Variants in FZD3 observed in about 807,000 individuals in gnomAD.
FZD3 encodes the protein frizzled class receptor 3, also known as frizzled-3.
Under a neutral mutation model 60.7 loss-of-function variants are expected in FZD3, and 30 were observed. The ratio of observed to expected loss-of-function variants is 0.49; its 90% CI spans 0.37 to 0.67. The LOEUF (loss-of-function observed/expected upper bound fraction) is 0.67. Among genes scored for constraint, FZD3 ranks in the 30% least tolerant of loss-of-function variants. The pLI is 0.00. For synonymous variants in FZD3, 246 were observed against 275.2 expected (o/e 0.89, Z 1.05); for missense variants, 605 against 838.7 (o/e 0.72, Z 3.44).
At chr8:28,545,209 A>T (rs776323065) in intron 5 of FZD3, among the ~76,000 whole-genome samples, 3 of 152,242 alleles carry the variant, frequency 2.0e-5, no homozygotes, top group Non-Finnish European at 4.4e-5. Context: ...CCTGCCTCCA[A>T]CCAGGGAGCC....
intron 6 of FZD3, among the ~76,000 whole-genome samples, chr8:28,555,058 GT>G (rs1444353157): frequency 6.6e-6 from 1 of 152,016 alleles, no homozygotes; most frequent in Non-Finnish European, 1.5e-5. Context: ...AAAATTTTTT[GT>G]TCTTAACCAT....
chr8:28,516,411 A>G (rs1804426653), intron 3 of FZD3, among the ~76,000 whole-genome samples: 1 of 152,218 alleles, frequency 6.6e-6, no homozygotes, highest in Non-Finnish European at 1.5e-5. Context: ...TTTTAGGACC[A>G]GCTTTTCCAT....
At chr8:28,552,524 C>T (rs966304988) in intron 6 of FZD3, among the ~76,000 whole-genome samples, 1 of 152,096 alleles carries the variant, frequency 6.6e-6, no homozygotes. Context: ...GTATCTCTGT[C>T]TGAATTATCA....
intron 6 of FZD3, among the ~76,000 whole-genome samples, chr8:28,555,257 A>G (rs1314595811): frequency 6.6e-6 from 1 of 152,234 alleles, no homozygotes; most frequent in Non-Finnish European, 1.5e-5. Context: ...AAAATATTGT[A>G]TCCATGCTAC....
intron 3 of FZD3, among the ~76,000 whole-genome samples, chr8:28,511,253 C>T (rs941295648): frequency 2.0e-5 from 3 of 151,718 alleles, no homozygotes; most frequent in African/African-American, 7.3e-5. Context: ...TTTGGGAGGC[C>T]GAGGCAGGCG....
At chr8:28,502,386 T>C (rs77062599) in intron 2 of FZD3, among the ~76,000 whole-genome samples, 1,867 of 152,316 alleles carry the variant, frequency 0.012, 78 homozygotes, top group Admixed American at 0.076. Context: ...TTATATATTG[T>C]GACGGATGAA....
chr8:28,527,713 A>T lies in FZD3; in HGVS notation c.953A>T (p.Lys318Met). Residue 318 changes from lysine to methionine, a missense_variant, in exon 5 of 8, where the codon AAG (lysine) becomes ATG (methionine). By Grantham distance (95) the Lys-to-Met change is moderately conservative. Transcript: ENST00000240093. This position sits in a 1 kb window ranked among gnomAD's most constrained non-coding sequence, Gnocchi z 5.0. ...ACATGGTTTTTAGCAGCTGTGCCAAAGTGGGGTAGTGAAGCTATTGAGAAG... is the reference window on the plus strand; with the variant it reads ...ACATGGTTTTTAGCAGCTGTGCCAATGTGGGGTAGTGAAGCTATTGAGAAG... ...TITWFLAAVP[K>M]WGSEAIEKKA... 1 of 1,614,100 alleles carries T rather than the reference A, an allele frequency of 6.2e-7. No individual in the cohort carries two copies. The highest frequency in any genetic ancestry group is 1.1e-5 in the South Asian group (1 of 91,078).
chr8:28,554,565 C>A (rs1346597900), intron 6 of FZD3, among the ~76,000 whole-genome samples: 1 of 151,848 alleles, frequency 6.6e-6, no homozygotes, highest in Non-Finnish European at 1.5e-5. Context: ...TTTGAAAGTT[C>A]TTTAATTTCT....
In FZD3 at chr8:28,564,909, G is replaced by A. The variant is rs969560136; in HGVS notation, c.*1898G>A. 3.3e-5 allele frequency: 5 copies of A among 152,144 alleles called. No homozygotes were observed. The highest frequency in any genetic ancestry group is 1.2e-4 in the African/African-American group (5 of 41,450). 9.4% of individuals were successfully genotyped at this position (152,144 alleles called of 1,614,324 possible). A position where few individuals can be genotyped will look rare whatever the true frequency, so the allele number is the denominator to read the frequency against. Reference sequence around the variant, plus strand: ...CTACCTCACAAAGCTGTCAGATTAAGATCAAGTGAAAAAAATTATGTGAAA... The same window carrying A: ...CTACCTCACAAAGCTGTCAGATTAAAATCAAGTGAAAAAAATTATGTGAAA... On this transcript the variant is annotated 3_prime_UTR_variant, in exon 8 of 8. Transcript: ENST00000240093.
chr8:28,521,669 C>T (rs1804584019), intron 4 of FZD3, among the ~76,000 whole-genome samples: 1 of 152,074 alleles, frequency 6.6e-6, no homozygotes, highest in Non-Finnish European at 1.5e-5. Flanking sequence ...CCCATGTTTG[C>T]TTATATACTC....
At chr8:28,520,870 A>G (rs1804559980) in intron 4 of FZD3, 36 bp downstream of exon 4, 1 of 1,329,742 alleles carries the variant, frequency 7.5e-7, no homozygotes, top group Admixed American at 2.2e-5. Context: ...ATCATTTCTT[A>G]TGTTGCAATA....
chr8:28,562,976 A>G lies in FZD3; in HGVS notation c.1966A>G (p.Asn656Asp), dbSNP rs1270205053. ...MTHITHGTSM[N>D]RVIEEDGTSA ...TCATATCACACATGGCACCAGCATG[A>G]ATCGGGTTATTGAAGAAGATGGAAC... Residue 656 changes from asparagine (N) to aspartate (D), a missense_variant, in exon 8 of 8, where the codon AAT becomes GAT. By Grantham distance (23) the Asn-to-Asp change is conservative (BLOSUM62 1). Coordinates refer to ENST00000240093, the MANE Select transcript of FZD3 (RefSeq NM_017412.4). 3 of 1,613,324 alleles carry G rather than the reference A, an allele frequency of 1.9e-6. No individual in the cohort carries two copies. The highest frequency in any genetic ancestry group is 1.7e-6 in the Non-Finnish European group (2 of 1,179,338).
At chr8:28,500,527 G>A (rs1803960896) in intron 2 of FZD3, among the ~76,000 whole-genome samples, 2 of 152,094 alleles carry the variant, frequency 1.3e-5, no homozygotes, top group South Asian at 4.1e-4. Context: ...AATTCTTGTT[G>A]TTACTATATG....
intron 5 of FZD3, among the ~76,000 whole-genome samples, chr8:28,544,766 A>G (rs1046689839): frequency 2.6e-5 from 4 of 152,148 alleles, no homozygotes; most frequent in East Asian, 1.9e-4. Flanking sequence ...TTTGATCCCT[A>G]TGTGTCTAGT....
At chr8:28,522,716 A>G (rs2130357840) in intron 4 of FZD3, among the ~76,000 whole-genome samples, 1 of 149,988 alleles carries the variant, frequency 6.7e-6, no homozygotes, top group East Asian at 1.9e-4. Context: ...TCCTCATTAT[A>G]CCCTAGGATT....
At chr8:28,532,483 C>T (rs1804903855) in intron 5 of FZD3, among the ~76,000 whole-genome samples, 1 of 152,174 alleles carries the variant, frequency 6.6e-6, no homozygotes, top group Non-Finnish European at 1.5e-5. Context: ...GGTTGGAATG[C>T]AGTGGCAGTC....
rs1451063673 is a variant in FZD3 at position 28,568,617 on chromosome 8, AATATAT to A, written c.*5608_*5613del. 6.6e-6 allele frequency: 1 copy of A among 152,154 alleles called. No individual in the cohort carries two copies. The highest frequency in any genetic ancestry group is 1.5e-5 in the Non-Finnish European group (1 of 67,990). 9.4% of individuals were successfully genotyped at this position (152,154 alleles called of 1,614,324 possible). ...CTATTTGGTTGATTTATAAAGATTT[AATATAT>A]AAAGATTTAATATGAGTTAAACATG... On this transcript the variant is annotated 3_prime_UTR_variant, in exon 8 of 8. Coordinates refer to ENST00000240093, the MANE Select transcript of FZD3 (RefSeq NM_017412.4).
At position 28,551,647 on chromosome 8, in the gene FZD3, A is replaced by G. The variant is rs769861018; in HGVS notation, c.1449A>G (p.Lys483=). ...SRPDLILFLM[K]YLMALIVGIP... ...CAGACTTGATTCTCTTTCTGATGAAATACCTGATGGCTCTCATAGTTGGCA... is the reference window on the plus strand; with the variant it reads ...CAGACTTGATTCTCTTTCTGATGAAGTACCTGATGGCTCTCATAGTTGGCA... Residue 483 remains lysine, a synonymous_variant, in exon 6 of 8, where the codon AAA becomes AAG. Transcript: ENST00000240093. The G allele has an allele frequency of 1.9e-6, 3 of 1,611,546 alleles. No individual in the cohort carries two copies. The Admixed American group carries it at 5.0e-5, about 27-fold the overall frequency.
At chr8:28,494,812 C>T (rs1354297081) in intron 1 of FZD3, among the ~76,000 whole-genome samples, 1 of 151,872 alleles carries the variant, frequency 6.6e-6, no homozygotes, top group East Asian at 2.0e-4. Flanking sequence ...GGGCCGTAGG[C>T]GGAAGACAAT....
Sources: gnomAD v4.1 joint callset for allele counts (sites outside exome capture counted in the v4.1 genomes callset) on GRCh38, gnomAD v4.1.1 for gene constraint, Gnocchi (gnomAD v3.1) non-coding constraint, MANE v1.5 for transcripts, NCBI Gene and HGNC (gene_info 2026-07-23, HGNC 2026-07-21) for gene names.